The following NKAIN3 variants were observed in gnomAD, a reference collection of about 807,000 sequenced individuals.
NKAIN3 encodes sodium/potassium-transporting ATPase subunit beta-1-interacting protein 3.
In NKAIN3, 25 loss-of-function variants were observed where a neutral mutation model predicts 30.2. The observed-to-expected ratio is 0.83, with a 90% CI of 0.60 to 1.16. NKAIN3 has a LOEUF of 1.16. NKAIN3 is among the 50% of genes most tolerant of loss of function. The pLI, the probability that NKAIN3 is intolerant of heterozygous loss-of-function variation, is 0.00. For missense variants in NKAIN3, 225 were observed against 254.1 expected (o/e 0.89, Z 0.78); for synonymous variants, 91 against 89.6 (o/e 1.02, Z -0.09).
chr8:62,950,872 C>G (rs940289604), intron 5 of NKAIN3, among the ~76,000 whole-genome samples: 1 of 149,406 alleles, frequency 6.7e-6, no homozygotes, highest in African/African-American at 2.5e-5. Flanking sequence ...AGAATGGCCA[C>G]GTAGACAACT....
intron 1 of NKAIN3, among the ~76,000 whole-genome samples, chr8:62,423,567 C>T (rs1285486776): frequency 6.6e-6 from 1 of 151,660 alleles, no homozygotes; most frequent in Admixed American, 6.6e-5. Flanking sequence ...TATTGGCATT[C>T]TTATTTTTTT....
intron 3 of NKAIN3, among the ~76,000 whole-genome samples, chr8:62,649,322 G>A (rs1737127522): frequency 6.6e-6 from 1 of 152,114 alleles, no homozygotes; most frequent in South Asian, 2.1e-4. Context: ...GTAATTCCCA[G>A]GGTCAGTAAA....
At chr8:62,858,553 G>A (rs1373574068) in intron 4 of NKAIN3, among the ~76,000 whole-genome samples, 1 of 152,098 alleles carries the variant, frequency 6.6e-6, no homozygotes, top group African/African-American at 2.4e-5. Context: ...GCAGGTTGAG[G>A]TAGCTGGAGG....
intron 1 of NKAIN3, among the ~76,000 whole-genome samples, chr8:62,328,098 T>C (rs1468537287): frequency 6.6e-6 from 1 of 152,118 alleles, no homozygotes; most frequent in African/African-American, 2.4e-5. Context: ...ATTCCATTTA[T>C]AGACTGAAAA....
At chr8:62,677,320 G>C (rs1249878043) in intron 3 of NKAIN3, among the ~76,000 whole-genome samples, 1 of 152,174 alleles carries the variant, frequency 6.6e-6, no homozygotes, top group South Asian at 2.1e-4. Flanking sequence ...GAACTCTTCA[G>C]CTGGCATTAA....
At chr8:62,673,263 A>T (rs1368488399) in intron 3 of NKAIN3, among the ~76,000 whole-genome samples, 1 of 152,266 alleles carries the variant, frequency 6.6e-6, no homozygotes, top group Non-Finnish European at 1.5e-5. Context: ...GACAATGGCA[A>T]TTCTTAATTC....
At chr8:62,503,113 C>T (rs1054862565) in intron 1 of NKAIN3, among the ~76,000 whole-genome samples, 36 of 152,268 alleles carry the variant, frequency 2.4e-4, no homozygotes, top group African/African-American at 8.4e-4. Context: ...CGGGGGAACC[C>T]ACTCCCAATA....
intron 4 of NKAIN3, among the ~76,000 whole-genome samples, chr8:62,759,493 A>G (rs376765371): frequency 3.1e-5 from 1 of 32,184 alleles, no homozygotes; most frequent in Non-Finnish European, 7.0e-5. Context: ...GTGGGGGCTT[A>G]TAAAGCCTGA....
intron 4 of NKAIN3, among the ~76,000 whole-genome samples, chr8:62,760,306 A>G (rs1178028471): frequency 2.6e-5 from 4 of 152,098 alleles, no homozygotes; most frequent in African/African-American, 4.8e-5. Flanking sequence ...AAATCATGCT[A>G]CTATAAAGAC....
intron 4 of NKAIN3, among the ~76,000 whole-genome samples, chr8:62,772,764 G>T (rs534095159): frequency 7.3e-5 from 11 of 151,310 alleles, no homozygotes; most frequent in Admixed American, 7.3e-4. Flanking sequence ...AGGTTCAAGC[G>T]ATTCTTTTGC....
intron 3 of NKAIN3, among the ~76,000 whole-genome samples, chr8:62,630,628 A>G (rs1186686339): frequency 6.6e-6 from 1 of 152,132 alleles, no homozygotes; most frequent in Non-Finnish European, 1.5e-5. Flanking sequence ...CAGTTCTTCC[A>G]TCTTGATTGC....
chr8:62,715,583 C>A (rs570326565), intron 3 of NKAIN3, among the ~76,000 whole-genome samples: 24 of 152,148 alleles, frequency 1.6e-4, no homozygotes, highest in Admixed American at 7.2e-4. Flanking sequence ...TCTATGCTGT[C>A]GGTGTTGTGA....
At position 62,335,099 on chromosome 8, in the gene NKAIN3, C is replaced by T. The variant is rs535662181; in HGVS notation, c.54+85972C>T. ...AACTCTCTGTGGAAAGACTATTGTTCACCTTTTGGCCACAGATAGCTTACA... is the reference window on the plus strand; with the variant it reads ...AACTCTCTGTGGAAAGACTATTGTTTACCTTTTGGCCACAGATAGCTTACA... On this transcript the variant is annotated intron_variant, in intron 1 of 6. Transcript: ENST00000623646. Among the ~76,000 whole-genome samples, 11 of 152,126 alleles carry T rather than the reference C, an allele frequency of 7.2e-5. No individual in the cohort carries two copies. The South Asian group carries it at 2.1e-3, about 29-fold the overall frequency.
intron 4 of NKAIN3, among the ~76,000 whole-genome samples, chr8:62,893,414 G>A (rs1266403767): frequency 6.6e-6 from 1 of 152,148 alleles, no homozygotes; most frequent in Admixed American, 6.5e-5. Context: ...ATTTTTATGT[G>A]AAATCTTCCA....
chr8:62,923,335 T>C (rs1283018299), intron 5 of NKAIN3, among the ~76,000 whole-genome samples: 2 of 151,584 alleles, frequency 1.3e-5, no homozygotes, highest in Non-Finnish European at 2.9e-5. Flanking sequence ...AAAAAAAAAA[T>C]AAGAAAAAGA....
At chr8:62,848,953 G>A (rs1329790782) in intron 4 of NKAIN3, among the ~76,000 whole-genome samples, 1 of 152,118 alleles carries the variant, frequency 6.6e-6, no homozygotes, top group East Asian at 1.9e-4. Context: ...CTGTTTATGT[G>A]ATGAATTACA....
chr8:62,555,599 GTTAC>G (rs138943291), intron 1 of NKAIN3, among the ~76,000 whole-genome samples: 2,065 of 152,090 alleles, frequency 0.014, 41 homozygotes, highest in African/African-American at 0.043. Flanking sequence ...GAAGTTCTCT[GTTAC>G]TTACTGGAGG....
rs115465436 is a variant in NKAIN3 at position 62,371,678 on chromosome 8, G to A, written c.54+122551G>A. ...AACTTGAATTCATTCTTTATTTCACGTACCTCCATTTATTTAATACACTTT... is the reference window on the plus strand; with the variant it reads ...AACTTGAATTCATTCTTTATTTCACATACCTCCATTTATTTAATACACTTT... On this transcript the variant is annotated intron_variant, in intron 1 of 6. Coordinates refer to ENST00000623646, the MANE Select transcript of NKAIN3 (RefSeq NM_001304533.3). Among the ~76,000 whole-genome samples, 695 of 151,642 alleles carry A rather than the reference G, an allele frequency of 4.6e-3. 3 individuals carry two copies. The highest frequency in any genetic ancestry group is 0.015 in the African/African-American group (632 of 41,386).
At chr8:62,329,633 C>T (rs752734370) in intron 1 of NKAIN3, among the ~76,000 whole-genome samples, 35 of 152,074 alleles carry the variant, frequency 2.3e-4, no homozygotes, top group Non-Finnish European at 4.4e-4. Context: ...GGATAATAGC[C>T]TCCAGCTCCA....
Sources: gnomAD v4.1 joint callset for allele counts (sites outside exome capture counted in the v4.1 genomes callset) on GRCh38, gnomAD v4.1.1 for gene constraint, MANE v1.5 for transcripts, NCBI Gene and HGNC (gene_info 2026-07-23, HGNC 2026-07-21) for gene names.